Variants in RALGAPA2 observed in about 807,000 individuals in gnomAD.
RALGAPA2 encodes ral GTPase-activating protein subunit alpha-2.
A neutral mutation model predicts 230.4 loss-of-function variants in RALGAPA2; 139 were observed. That is an observed-to-expected ratio of 0.60 (90% CI 0.53 to 0.69). The LOEUF (loss-of-function observed/expected upper bound fraction) is 0.69, where lower values mean the gene tolerates loss of function less well. RALGAPA2 is among the 30% of genes least tolerant of loss of function. RALGAPA2 has a pLI of 0.00. For synonymous variants in RALGAPA2, 847 were observed against 837.8 expected (o/e 1.01, Z -0.19); for missense variants, 2,163 against 2,276.0 (o/e 0.95, Z 1.01).
At chr20:20,422,843 G>T (rs1487576506) in intron 37 of RALGAPA2, among the ~76,000 whole-genome samples, 1 of 152,184 alleles carries the variant, frequency 6.6e-6, no homozygotes, top group African/African-American at 2.4e-5. Flanking sequence ...CAGCTTATAT[G>T]GAAAGACAAG....
chr20:20,698,078 A>G (rs543930492), intron 1 of RALGAPA2, among the ~76,000 whole-genome samples: 168 of 148,160 alleles, frequency 1.1e-3, no homozygotes, highest in African/African-American at 4.1e-3. Flanking sequence ...TTAAGAAAAG[A>G]AAAAAAAAAG....
chr20:20,471,178 C>T (rs147080063), intron 37 of RALGAPA2: 4 of 152,266 alleles, frequency 2.6e-5, no homozygotes, highest in African/African-American at 9.6e-5. Flanking sequence ...TGTGTCACTG[C>T]TTGAAAAGTT....
At chr20:20,590,857 C>G (rs1484445521) in intron 17 of RALGAPA2, among the ~76,000 whole-genome samples, 2 of 152,080 alleles carry the variant, frequency 1.3e-5, no homozygotes, top group Non-Finnish European at 2.9e-5. Context: ...AACTTGATGC[C>G]CTACTTGACT....
intron 37 of RALGAPA2, among the ~76,000 whole-genome samples, chr20:20,460,688 G>C (rs2061280826): frequency 6.6e-6 from 1 of 152,172 alleles, no homozygotes; most frequent in Non-Finnish European, 1.5e-5. Flanking sequence ...CTGAGTTATT[G>C]TCAGGGGCAT....
intron 18 of RALGAPA2, among the ~76,000 whole-genome samples, chr20:20,585,596 C>A (rs1261161226): frequency 1.3e-5 from 2 of 152,134 alleles, no homozygotes; most frequent in Non-Finnish European, 2.9e-5. Flanking sequence ...GCAGAATAAA[C>A]TGTTGCCTTA....
chr20:20,415,714 C>G (rs2060151031), intron 37 of RALGAPA2, among the ~76,000 whole-genome samples: 1 of 152,202 alleles, frequency 6.6e-6, no homozygotes. Context: ...TAGCAAGATT[C>G]TGTCTCTAGA....
chr20:20,653,123 G>A (rs1296467884), intron 4 of RALGAPA2, among the ~76,000 whole-genome samples: 2 of 145,866 alleles, frequency 1.4e-5, no homozygotes, highest in East Asian at 4.1e-4. Flanking sequence ...TTGAACTCGG[G>A]AGGCGGAGGT....
At chr20:20,438,204 G>C (rs2123034305) in intron 37 of RALGAPA2, among the ~76,000 whole-genome samples, 1 of 152,282 alleles carries the variant, frequency 6.6e-6, no homozygotes, top group Admixed American at 6.5e-5. Flanking sequence ...GTAGAAATCA[G>C]ATATTTTCAT....
chr20:20,548,080 A>G (rs1368616716), intron 23 of RALGAPA2, among the ~76,000 whole-genome samples: 1 of 152,126 alleles, frequency 6.6e-6, no homozygotes, highest in East Asian at 1.9e-4. Flanking sequence ...ACTTATAGTT[A>G]TACAACCTAT....
intron 38 of RALGAPA2, among the ~76,000 whole-genome samples, chr20:20,400,840 A>C (rs989964433): frequency 8.5e-5 from 13 of 152,364 alleles, no homozygotes; most frequent in Non-Finnish European, 1.5e-5. Context: ...ACAGCAGAAT[A>C]TTTGGCAATA....
intron 16 of RALGAPA2, among the ~76,000 whole-genome samples, chr20:20,593,941 AG>A (rs1351723481): frequency 6.6e-6 from 1 of 152,174 alleles, no homozygotes. Flanking sequence ...GCAGCTTTTA[AG>A]GCTTTGTTTT....
chr20:20,632,857 A>G (rs987608084), intron 9 of RALGAPA2, among the ~76,000 whole-genome samples: 1 of 152,090 alleles, frequency 6.6e-6, no homozygotes, highest in Non-Finnish European at 1.5e-5. Flanking sequence ...TACTCTTTAC[A>G]TAGCAGAGAT....
intron 20 of RALGAPA2, among the ~76,000 whole-genome samples, chr20:20,573,717 G>A (rs533944917): frequency 6.6e-4 from 101 of 152,090 alleles, no homozygotes; most frequent in Non-Finnish European, 1.2e-3. Flanking sequence ...AGCCTGTCTG[G>A]TTTCTTTCAC....
At chr20:20,643,038 T>C (rs1486824424) in intron 5 of RALGAPA2, among the ~76,000 whole-genome samples, 1 of 152,180 alleles carries the variant, frequency 6.6e-6, no homozygotes, top group Admixed American at 6.5e-5. Flanking sequence ...AAATAAATAT[T>C]CAAGAGTGAG....
chr20:20,569,543 T>C (rs904968681), intron 23 of RALGAPA2, among the ~76,000 whole-genome samples: 1 of 152,188 alleles, frequency 6.6e-6, no homozygotes, highest in Non-Finnish European at 1.5e-5. Context: ...CTTAACTTAA[T>C]TAAAAACATA....
At chr20:20,510,259 A>T (rs1310493376) in intron 33 of RALGAPA2, among the ~76,000 whole-genome samples, 1 of 152,194 alleles carries the variant, frequency 6.6e-6, no homozygotes, top group Non-Finnish European at 1.5e-5. Context: ...TAATTTTCTG[A>T]AATTCTAAGA....
rs146252359 is a variant in RALGAPA2, at chr20:20,469,126, C to T, written c.5495+3703G>A. Among the ~76,000 whole-genome samples, 248 of 152,282 alleles carry T rather than the reference C, an allele frequency of 1.6e-3. 2 individuals carry two copies. Among genetic ancestry groups the T allele is most frequent in the Middle Eastern group, 0.014 (4 of 294 alleles). On this transcript the variant is annotated intron_variant, in intron 37 of 39. Coordinates refer to ENST00000202677, the MANE Select transcript of RALGAPA2 (RefSeq NM_020343.4). ...TTCACATTTCTATTCCTAGCGGCAACGACTGTGCCTGGCACATGGCAGGGG... is the reference window on the plus strand; with the variant it reads ...TTCACATTTCTATTCCTAGCGGCAATGACTGTGCCTGGCACATGGCAGGGG...
intron 37 of RALGAPA2, chr20:20,470,880 CAA>C (rs2061524870): frequency 6.6e-6 from 1 of 152,178 alleles, no homozygotes; most frequent in Admixed American, 6.5e-5. Context: ...TAAATGATTG[CAA>C]AGTTTTCCCC....
At chr20:20,446,915 T>C (rs1016414351) in intron 37 of RALGAPA2, among the ~76,000 whole-genome samples, 1 of 152,210 alleles carries the variant, frequency 6.6e-6, no homozygotes, top group Non-Finnish European at 1.5e-5. Context: ...ACTCTCAGGC[T>C]GCCATAGTTC....
Sources: allele counts gnomAD v4.1 joint callset (sites outside exome capture counted in the v4.1 genomes callset), GRCh38; gene constraint gnomAD v4.1.1; transcripts MANE v1.5; gene names NCBI Gene and HGNC (gene_info 2026-07-23, HGNC 2026-07-21).